The following TTC28 variants were observed in gnomAD, a reference collection of about 807,000 sequenced individuals.
TTC28 encodes tetratricopeptide repeat domain 28, also known as tetratricopeptide repeat protein 28.
A neutral mutation model predicts 198.0 loss-of-function variants in TTC28; 61 were observed. The ratio of observed to expected loss-of-function variants is 0.31; its 90% CI spans 0.25 to 0.38. TTC28 has a LOEUF of 0.38. Among genes scored for constraint, TTC28 ranks in the 10% least tolerant of loss-of-function variants. The pLI is 1.00. For missense variants in TTC28, 2,678 were observed against 3,164.0 expected, an observed-to-expected ratio of 0.85 and a Z score of 3.69; for synonymous variants, 1,171 against 1,297.8, an observed-to-expected ratio of 0.90 and a Z score of 2.10.
intron 6 of TTC28, among the ~76,000 whole-genome samples, chr22:28,138,858 A>G (rs977180969): frequency 2.0e-5 from 3 of 152,336 alleles, no homozygotes; most frequent in Admixed American, 1.3e-4. Flanking sequence ...ATATTGTTGA[A>G]CTGAACTCAG....
intron 2 of TTC28, among the ~76,000 whole-genome samples, chr22:28,323,066 A>G (rs1482453983): frequency 6.6e-6 from 1 of 152,224 alleles, no homozygotes; most frequent in African/African-American, 2.4e-5. Context: ...ATGTAAGGTA[A>G]CATTTCTTAC....
intron 5 of TTC28, among the ~76,000 whole-genome samples, chr22:28,189,668 G>A (rs1924546354): frequency 2.6e-5 from 4 of 152,076 alleles, no homozygotes; most frequent in African/African-American, 9.6e-5. Context: ...CTTCTCAACA[G>A]TAACTGAAAG....
intron 16 of TTC28, 63 bp downstream of exon 16, chr22:27,998,477 C>CG (rs1457906867): frequency 8.7e-6 from 13 of 1,492,326 alleles, no homozygotes; most frequent in Non-Finnish European, 3.6e-6. Flanking sequence ...AGAATAAAGT[C>CG]GGGGGGCTGT....
At chr22:28,485,874 AAATCACTC>A (rs1252107717) in intron 2 of TTC28, among the ~76,000 whole-genome samples, 1 of 152,118 alleles carries the variant, frequency 6.6e-6, no homozygotes, top group Non-Finnish European at 1.5e-5. Flanking sequence ...TGTTCTTCAA[AAATCACTC>A]AAATGTGGCT....
intron 2 of TTC28, among the ~76,000 whole-genome samples, chr22:28,501,230 T>C (rs1370620377): frequency 6.6e-6 from 1 of 152,126 alleles, no homozygotes; most frequent in Non-Finnish European, 1.5e-5. Flanking sequence ...AAACATTTAT[T>C]GAGCACTATC....
At chr22:28,336,968 T>A (rs1253458775) in intron 2 of TTC28, among the ~76,000 whole-genome samples, 1 of 152,234 alleles carries the variant, frequency 6.6e-6, no homozygotes, top group African/African-American at 2.4e-5. Flanking sequence ...CTTTCTCTTG[T>A]GGGCATTTAG....
rs548887016 is a variant in TTC28, at chr22:28,029,602, C to T, written c.4073+624G>A. Among the ~76,000 whole-genome samples the T allele has an allele frequency of 2.8e-4, 43 of 152,296 alleles. No homozygotes were observed. The South Asian group carries it at 7.9e-3, about 28-fold the overall frequency. On this transcript the variant is annotated intron_variant, in intron 13 of 22. Coordinates refer to ENST00000397906, the MANE Select transcript of TTC28 (RefSeq NM_001145418.2). ...ACCCCAACCGCCTGCCCTGTTTATC[C>T]GGACCCAGCTCAGGTGTCACTCCTA...
intron 2 of TTC28, among the ~76,000 whole-genome samples, chr22:28,392,766 C>T (rs1406365200): frequency 4.7e-5 from 7 of 150,362 alleles, no homozygotes; most frequent in South Asian, 4.2e-4. Flanking sequence ...GAGATGAACC[C>T]GGTACCTCAG....
At chr22:28,674,944 G>C (rs1190332064) in intron 1 of TTC28, among the ~76,000 whole-genome samples, 1 of 151,812 alleles carries the variant, frequency 6.6e-6, no homozygotes, top group Non-Finnish European at 1.5e-5. Context: ...AGCCAGTCTT[G>C]AAAAAGAACA....
At chr22:28,625,794 C>T (rs1300339124) in intron 2 of TTC28, among the ~76,000 whole-genome samples, 2 of 152,058 alleles carry the variant, frequency 1.3e-5, no homozygotes, top group African/African-American at 4.8e-5. Context: ...ATCAGACTTA[C>T]CATACATCTA....
At chr22:28,320,040 T>C (rs2045419726) in intron 2 of TTC28, among the ~76,000 whole-genome samples, 1 of 152,162 alleles carries the variant, frequency 6.6e-6, no homozygotes, top group South Asian at 2.1e-4. Context: ...ATTCCCATGT[T>C]TTTGCTTCAC....
chr22:28,099,684 A>C (rs533680823), intron 9 of TTC28, among the ~76,000 whole-genome samples: 2 of 152,350 alleles, frequency 1.3e-5, no homozygotes, highest in African/African-American at 4.8e-5. Context: ...AGATATTAAA[A>C]CAGATATTAA....
chr22:28,162,171 T>A (rs1921293388), intron 6 of TTC28, among the ~76,000 whole-genome samples: 2 of 152,208 alleles, frequency 1.3e-5, no homozygotes. Context: ...CAGTTACCAA[T>A]TACTTGTCTC....
chr22:28,392,258 G>A (rs1276212870), intron 2 of TTC28, among the ~76,000 whole-genome samples: 3 of 152,198 alleles, frequency 2.0e-5, no homozygotes, highest in Non-Finnish European at 4.4e-5. Flanking sequence ...TGTCAGACAG[G>A]GACATCTAAG....
intron 5 of TTC28, among the ~76,000 whole-genome samples, chr22:28,199,259 A>G (rs955112351): frequency 2.0e-5 from 3 of 151,668 alleles, no homozygotes; most frequent in Non-Finnish European, 4.4e-5. Context: ...CTGGAATACT[A>G]TGCACAGAAG....
At chr22:28,184,148 G>T (rs1923966052) in intron 5 of TTC28, among the ~76,000 whole-genome samples, 1 of 152,036 alleles carries the variant, frequency 6.6e-6, no homozygotes, top group African/African-American at 2.4e-5. Flanking sequence ...TCCACCTTAT[G>T]GGCTTATTAT....
At chr22:28,614,740 T>C (rs1364699557) in intron 2 of TTC28, among the ~76,000 whole-genome samples, 3 of 152,106 alleles carry the variant, frequency 2.0e-5, no homozygotes, top group South Asian at 2.1e-4. Flanking sequence ...TGGCTAGCCA[T>C]ATGCAAAAAA....
intron 2 of TTC28, among the ~76,000 whole-genome samples, chr22:28,501,150 G>A (rs968274730): frequency 6.6e-6 from 1 of 152,058 alleles, no homozygotes; most frequent in Non-Finnish European, 1.5e-5. Flanking sequence ...ACAAAAAAAG[G>A]AGCAAAATGT....
intron 2 of TTC28, among the ~76,000 whole-genome samples, chr22:28,598,208 G>C (rs1009206134): frequency 6.6e-6 from 1 of 151,302 alleles, no homozygotes; most frequent in African/African-American, 2.4e-5. Flanking sequence ...AAATATAAAT[G>C]CAACTTAAAA....
Sources: gnomAD v4.1 joint callset for allele counts (sites outside exome capture counted in the v4.1 genomes callset) on GRCh38, gnomAD v4.1.1 for gene constraint, MANE v1.5 for transcripts, NCBI Gene and HGNC (gene_info 2026-07-23, HGNC 2026-07-21) for gene names.